SMIM36: variants seen among roughly 807,000 people sequenced by gnomAD.
SMIM36 encodes the protein small integral membrane protein 36.
At chr17:55,455,747 C>T (rs1909006011) in intron 4 of SMIM36, among the ~76,000 whole-genome samples, 1 of 152,078 alleles carries the variant, frequency 6.6e-6, no homozygotes, top group Admixed American at 6.6e-5. Context: ...GAGCTGTGAT[C>T]ATGCCACTGC....
At chr17:55,495,083 A>G (rs1909785085) in intron 1 of SMIM36, among the ~76,000 whole-genome samples, 4 of 152,214 alleles carry the variant, frequency 2.6e-5, no homozygotes, top group Non-Finnish European at 4.4e-5. Flanking sequence ...CCTTCAGGCC[A>G]GGCATAGCAT....
the SMIM36 span, among the ~76,000 whole-genome samples, chr17:55,526,660 A>G: frequency 6.6e-6 from 1 of 152,198 alleles, no homozygotes; most frequent in Non-Finnish European, 1.5e-5. Flanking sequence ...AATGGACAAT[A>G]ATGGCTTTTG....
At chr17:55,518,388 A>G in the SMIM36 span, among the ~76,000 whole-genome samples, 1 of 152,212 alleles carries the variant, frequency 6.6e-6, no homozygotes, top group Non-Finnish European at 1.5e-5. Flanking sequence ...TAAGTTACCG[A>G]TACACGAACT....
upstream of SMIM36, among the ~76,000 whole-genome samples, chr17:55,516,257 C>G (rs1488234707): frequency 2.0e-5 from 3 of 152,186 alleles, no homozygotes; most frequent in African/African-American, 7.2e-5. Flanking sequence ...CTCTCCTTCC[C>G]AAGACTTATT....
intron 4 of SMIM36, among the ~76,000 whole-genome samples, chr17:55,464,886 C>T (rs561065544): frequency 6.6e-6 from 1 of 152,280 alleles, no homozygotes; most frequent in South Asian, 2.1e-4. Context: ...TGTATCCATT[C>T]CAGTATCTTT....
chr17:55,486,987 G>A (rs1422972328), intron 1 of SMIM36, among the ~76,000 whole-genome samples: 1 of 152,194 alleles, frequency 6.6e-6, no homozygotes, highest in African/African-American at 2.4e-5. Context: ...GCTGGGCACT[G>A]AGAATACAAA....
intron 1 of SMIM36, among the ~76,000 whole-genome samples, chr17:55,484,879 A>C (rs1359860608): frequency 6.6e-6 from 1 of 152,254 alleles, no homozygotes; most frequent in Admixed American, 6.5e-5. Context: ...GGCAAAGGCA[A>C]GAAAGCTTGT....
chr17:55,530,495 G>C, the SMIM36 span, among the ~76,000 whole-genome samples: 2 of 152,104 alleles, frequency 1.3e-5, no homozygotes, highest in African/African-American at 4.8e-5. Context: ...AGTTAAAAAT[G>C]CAGGAGAGGC....
the SMIM36 span, among the ~76,000 whole-genome samples, chr17:55,530,792 T>C: frequency 6.7e-6 from 1 of 149,894 alleles, no homozygotes; most frequent in Non-Finnish European, 1.5e-5. Context: ...CAAAAAAAAA[T>C]GCAGGAAAGC....
intron 1 of SMIM36, among the ~76,000 whole-genome samples, chr17:55,487,316 C>T (rs1044737343): frequency 1.3e-5 from 2 of 152,208 alleles, no homozygotes; most frequent in Admixed American, 6.5e-5. Flanking sequence ...TAAACCTGCA[C>T]GTTGTGCACA....
chr17:55,531,707 T>C, the SMIM36 span, among the ~76,000 whole-genome samples: 2 of 152,248 alleles, frequency 1.3e-5, no homozygotes, highest in African/African-American at 2.4e-5. Flanking sequence ...GCTACTTTTA[T>C]TGTGACTAAA....
chr17:55,531,836 G>A, the SMIM36 span, among the ~76,000 whole-genome samples: 2 of 152,296 alleles, frequency 1.3e-5, no homozygotes, highest in South Asian at 4.1e-4. Flanking sequence ...TAGGCCCCAA[G>A]TAGGAGCTAA....
At chr17:55,453,284 C>G (rs537742461) in intron 4 of SMIM36, among the ~76,000 whole-genome samples, 3 of 149,962 alleles carry the variant, frequency 2.0e-5, no homozygotes, top group African/African-American at 7.6e-5. Flanking sequence ...GCCGCTGTAC[C>G]CCAGCCTGGG....
At chr17:55,481,694 A>T (rs1396277197) in intron 1 of SMIM36, among the ~76,000 whole-genome samples, 6 of 151,990 alleles carry the variant, frequency 3.9e-5, no homozygotes, top group African/African-American at 1.4e-4. Flanking sequence ...AAAGCATCAT[A>T]ATTATTATTA....
At chr17:55,508,496 T>C (rs1375472987) in intron 1 of SMIM36, among the ~76,000 whole-genome samples, 14 of 145,012 alleles carry the variant, frequency 9.7e-5, no homozygotes, top group African/African-American at 3.3e-4. Context: ...TAATGTGAGC[T>C]TCATCTGAAC....
the SMIM36 span, among the ~76,000 whole-genome samples, chr17:55,526,310 T>A: frequency 6.6e-6 from 1 of 151,758 alleles, no homozygotes; most frequent in East Asian, 1.9e-4. Context: ...CATCTGGTTA[T>A]TTATTTATTT....
chr17:55,479,607 A>G (rs1598451780), intron 1 of SMIM36, 27 bp from the exon 2 acceptor site: 2 of 152,244 alleles, frequency 1.3e-5, no homozygotes. Flanking sequence ...ATAAAAAATA[A>G]ACAAATAAAT....
intron 3 of SMIM36, among the ~76,000 whole-genome samples, chr17:55,478,204 A>T (rs1202754363): frequency 6.6e-6 from 1 of 151,730 alleles, no homozygotes; most frequent in South Asian, 2.1e-4. Context: ...CCCAAAAAAA[A>T]AGTACCTGTT....
chr17:55,490,872 T>A (rs1393072343), intron 1 of SMIM36, among the ~76,000 whole-genome samples: 4 of 139,460 alleles, frequency 2.9e-5, no homozygotes, highest in African/African-American at 9.9e-5. Flanking sequence ...AATGGGATTA[T>A]GGGTGATTTC....
Sources: gnomAD v4.1 joint callset for allele counts (sites outside exome capture counted in the v4.1 genomes callset) on GRCh38, gnomAD v4.1.1 for gene constraint, MANE v1.5 for transcripts, NCBI Gene and HGNC (gene_info 2026-07-23, HGNC 2026-07-21) for gene names.